SNX10: variants seen among roughly 807,000 people sequenced by gnomAD.
SNX10 encodes sorting nexin-10.
Under a neutral mutation model 28.5 loss-of-function variants are expected in SNX10, and 25 were observed. That is an observed-to-expected ratio of 0.88 (90% CI 0.64 to 1.22). The LOEUF is 1.22. Ranked by LOEUF, SNX10 falls within the 50% of genes most tolerant of loss-of-function variation. The pLI is 0.00. For synonymous variants in SNX10, 62 were observed against 81.4 expected, an observed-to-expected ratio of 0.76 and a Z score of 1.28; for missense variants, 223 against 242.6, an observed-to-expected ratio of 0.92 and a Z score of 0.54.
intron 1 of SNX10, among the ~76,000 whole-genome samples, chr7:26,299,214 G>A (rs1786225414): frequency 6.7e-6 from 1 of 150,276 alleles, no homozygotes; most frequent in African/African-American, 2.4e-5. Flanking sequence ...TTTTTTTTTT[G>A]AGATGGAGTC....
rs1426382756 is a variant in SNX10 at position 26,364,581 on chromosome 7, G to A, written c.158G>A (p.Arg53Lys). 2 of 1,613,930 alleles carry A rather than the reference G, an allele frequency of 1.2e-6. No individual in the cohort carries two copies. The highest frequency in any genetic ancestry group is 1.3e-5 in the African/African-American group (1 of 74,920). ...FTMKTSCVRR[R>K]YREFVWLRQR... Reference sequence around the variant, plus strand: ...ATGAAAACATCCTGTGTACGAAGAAGATATAGAGAATTCGTGTGGCTGAGG... The same window carrying A: ...ATGAAAACATCCTGTGTACGAAGAAAATATAGAGAATTCGTGTGGCTGAGG... Residue 53 changes from arginine to lysine, a missense_variant, in exon 4 of 7, where the codon AGA becomes AAA. Coordinates refer to ENST00000338523, the MANE Select transcript of SNX10 (RefSeq NM_013322.3). This position sits in a 1 kb window ranked among gnomAD's most constrained non-coding sequence, Gnocchi z 4.9.
chr7:26,304,008 C>A (rs1419952668), intron 1 of SNX10, among the ~76,000 whole-genome samples: 2 of 152,214 alleles, frequency 1.3e-5, no homozygotes, highest in African/African-American at 4.8e-5. Context: ...TTGATCCTCT[C>A]CCCAGTTTTG....
intron 2 of SNX10, 24 bp downstream of exon 2, chr7:26,346,490 TA>T: frequency 6.4e-7 from 1 of 1,563,936 alleles, no homozygotes; most frequent in Non-Finnish European, 8.8e-7. Flanking sequence ...AATCCAAAAA[TA>T]AATAACCCAC....
chr7:26,311,338 AG>A (rs1786841356), intron 1 of SNX10, among the ~76,000 whole-genome samples: 3 of 152,156 alleles, frequency 2.0e-5, no homozygotes, highest in South Asian at 2.1e-4. Context: ...TTTAGTAGAG[AG>A]GGGGTTTCAC....
At chr7:26,305,436 T>C (rs1225682264) in intron 1 of SNX10, among the ~76,000 whole-genome samples, 1 of 152,204 alleles carries the variant, frequency 6.6e-6, no homozygotes, top group African/African-American at 2.4e-5. Flanking sequence ...CAGCTCTTAT[T>C]GTAGAGTGGC....
Position 26,361,071 on chromosome 7 carries a change from T to A in SNX10, c.111+10T>A. On this transcript the variant is annotated intron_variant, in intron 3 of 6. Coordinates refer to ENST00000338523, the MANE Select transcript of SNX10 (RefSeq NM_013322.3). ...TGAGATATGTATTCATGTAAGTATG[T>A]AGTCAGTAGAAATAGTAATTTTGAG... 6.3e-7 allele frequency: 1 copy of A among 1,584,862 alleles called. No individual in the cohort carries two copies.
At chr7:26,308,466 T>C (rs1786681075) in intron 1 of SNX10, among the ~76,000 whole-genome samples, 3 of 152,300 alleles carry the variant, frequency 2.0e-5, no homozygotes, top group Admixed American at 2.0e-4. Context: ...TATTTCTGCA[T>C]GGTTGCCCCT....
chr7:26,329,331 G>GT (rs1787635004), intron 1 of SNX10, among the ~76,000 whole-genome samples: 1 of 152,202 alleles, frequency 6.6e-6, no homozygotes, highest in African/African-American at 2.4e-5. Context: ...TCCCCAGACT[G>GT]TTTTGTCCCT....
At chr7:26,343,434 A>G (rs568377461) in intron 1 of SNX10, among the ~76,000 whole-genome samples, 2 of 152,246 alleles carry the variant, frequency 1.3e-5, no homozygotes, top group Admixed American at 1.3e-4. Flanking sequence ...AAATCCTCAC[A>G]GGACAGTTGT....
chr7:26,315,925 G>A (rs1386628931), intron 1 of SNX10, among the ~76,000 whole-genome samples: 7 of 151,936 alleles, frequency 4.6e-5, no homozygotes, highest in Non-Finnish European at 1.0e-4. Context: ...GCTCACTCCT[G>A]TAATCCCAGC....
At chr7:26,318,847 C>T (rs1016632117) in intron 1 of SNX10, among the ~76,000 whole-genome samples, 26 of 152,064 alleles carry the variant, frequency 1.7e-4, no homozygotes, top group African/African-American at 6.0e-4. Context: ...CTGATTTAAT[C>T]CTTCTAGTAG....
chr7:26,294,673 T>A (rs574368193), intron 1 of SNX10, among the ~76,000 whole-genome samples: 1 of 152,354 alleles, frequency 6.6e-6, no homozygotes, highest in East Asian at 1.9e-4. Flanking sequence ...CAGTTTTAAC[T>A]ACCCAACAAA....
intron 2 of SNX10, among the ~76,000 whole-genome samples, chr7:26,358,368 C>G (rs1437455198): frequency 1.3e-5 from 2 of 152,022 alleles, no homozygotes; most frequent in East Asian, 3.9e-4. Context: ...TTTTAAATCC[C>G]TCTTATAATT....
intron 1 of SNX10, among the ~76,000 whole-genome samples, chr7:26,318,106 A>AG (rs1046822097): frequency 6.6e-6 from 1 of 152,234 alleles, no homozygotes; most frequent in Admixed American, 6.5e-5. Context: ...TAGAATTTTA[A>AG]GACGCAAATG....
At chr7:26,367,129 A>G (rs1046213492) in intron 5 of SNX10, among the ~76,000 whole-genome samples, 4 of 151,942 alleles carry the variant, frequency 2.6e-5, no homozygotes, top group African/African-American at 9.7e-5. Context: ...CACATAGCCA[A>G]CCTCACTGGG....
At chr7:26,312,749 A>G (rs973440258) in intron 1 of SNX10, among the ~76,000 whole-genome samples, 2 of 152,148 alleles carry the variant, frequency 1.3e-5, no homozygotes, top group East Asian at 3.9e-4. Flanking sequence ...ACGCCACTGC[A>G]CTCCAGCCTG....
chr7:26,306,848 C>G (rs1405408979), intron 1 of SNX10, among the ~76,000 whole-genome samples: 3 of 152,202 alleles, frequency 2.0e-5, no homozygotes, highest in Admixed American at 1.3e-4. Flanking sequence ...CATGCTTGCT[C>G]ATTTGATCTT....
intron 1 of SNX10, among the ~76,000 whole-genome samples, chr7:26,306,097 T>G (rs1291147924): frequency 1.3e-5 from 2 of 151,748 alleles, no homozygotes; most frequent in African/African-American, 4.8e-5. Context: ...AGAGACGGGT[T>G]TTCGCCAGGT....
intron 1 of SNX10, among the ~76,000 whole-genome samples, chr7:26,305,935 C>T (rs947131273): frequency 2.0e-5 from 3 of 152,176 alleles, no homozygotes; most frequent in Admixed American, 6.5e-5. Flanking sequence ...CTCTCTGTCG[C>T]CCAAGCTGGA....
Sources: gnomAD v4.1 joint callset for allele counts (sites outside exome capture counted in the v4.1 genomes callset) on GRCh38, gnomAD v4.1.1 for gene constraint, Gnocchi (gnomAD v3.1) non-coding constraint, MANE v1.5 for transcripts, NCBI Gene and HGNC (gene_info 2026-07-23, HGNC 2026-07-21) for gene names.